The following UNC93A variants were observed in gnomAD, a reference collection of about 807,000 sequenced individuals.
The protein encoded by UNC93A is N-acetylglucosamine transporter UNC93A.
Under a neutral mutation model 47.5 loss-of-function variants are expected in UNC93A, and 43 were observed. The observed-to-expected ratio is 0.91, with a 90% CI of 0.71 to 1.17. The LOEUF is 1.17. Ranked by LOEUF, UNC93A falls within the 50% of genes most tolerant of loss-of-function variation. The pLI is 0.00. For missense variants in UNC93A, 605 were observed against 577.6 expected (o/e 1.05, Z -0.49); for synonymous variants, 280 against 258.0 (o/e 1.09, Z -0.82).
intron 1 of UNC93A, among the ~76,000 whole-genome samples, chr6:167,278,482 C>A (rs1218260799): frequency 6.6e-6 from 1 of 152,180 alleles, no homozygotes; most frequent in African/African-American, 2.4e-5. Context: ...GGACCCACGG[C>A]CTGCCCTCAC....
chr6:167,283,952 G>A (rs1783677511), intron 1 of UNC93A, among the ~76,000 whole-genome samples: 4 of 152,308 alleles, frequency 2.6e-5, no homozygotes, highest in Middle Eastern at 3.4e-3. Context: ...GGATCTCACA[G>A]CACATTAAAT....
chr6:167,315,197 C>T lies in UNC93A; in HGVS notation c.1119C>T (p.Gly373=), dbSNP rs373255256. 1.4e-5 allele frequency: 22 copies of T among 1,613,632 alleles called. No homozygotes were observed. The highest frequency in any genetic ancestry group is 2.2e-5 in the East Asian group (1 of 44,882). The change falls in exon 8 of 8, where the codon GGC becomes GGT. Residue 373 remains glycine, a synonymous_variant. Coordinates refer to ENST00000230256, the MANE Select transcript of UNC93A (RefSeq NM_018974.4). ...VWQTQNNALY[G]VLFEKSKEAA... is the part of the protein sequence containing the mutation. ...CTCTCTCCTCTGCAGCTCTCTACGG[C>T]GTTCTGTTTGAGAAGAGCAAGGAAG...
chr6:167,271,734 C>T (rs1420439401), intron 1 of UNC93A, among the ~76,000 whole-genome samples: 3 of 152,180 alleles, frequency 2.0e-5, no homozygotes, highest in Admixed American at 1.3e-4. Context: ...TTAACATGCT[C>T]ATCATGCACA....
At chr6:167,269,843 C>G (rs191243050), upstream of UNC93A, among the ~76,000 whole-genome samples, 1 of 152,024 alleles carries the variant, frequency 6.6e-6, no homozygotes, top group Admixed American at 6.6e-5. Context: ...TCTCTATCTC[C>G]TGACCTCGTG....
At chr6:167,315,147 G>T in intron 7 of UNC93A, 40 bp from the exon 8 acceptor site, 2 of 1,607,776 alleles carry the variant, frequency 1.2e-6, no homozygotes, top group Non-Finnish European at 1.7e-6. Flanking sequence ...GTCACTGTGG[G>T]GCCCATGGCA....
At chr6:167,277,952 G>A (rs1783571581) in intron 1 of UNC93A, among the ~76,000 whole-genome samples, 1 of 152,140 alleles carries the variant, frequency 6.6e-6, no homozygotes, top group Non-Finnish European at 1.5e-5. Flanking sequence ...CTCCTGTCCT[G>A]TGCTGTCCTG....
intron 1 of UNC93A, among the ~76,000 whole-genome samples, chr6:167,276,751 C>T (rs1783550250): frequency 6.7e-6 from 1 of 150,306 alleles, no homozygotes; most frequent in African/African-American, 2.4e-5. Flanking sequence ...TCCTCCCTTT[C>T]TCAAGTCTAA....
upstream of UNC93A, among the ~76,000 whole-genome samples, chr6:167,289,234 C>T (rs1462880560): frequency 6.6e-6 from 1 of 152,186 alleles, no homozygotes; most frequent in Non-Finnish European, 1.5e-5. Flanking sequence ...CCTCAGGGGT[C>T]GGGTAAGATA....
chr6:167,302,689 A>C (rs957877942), intron 4 of UNC93A, among the ~76,000 whole-genome samples: 3 of 152,218 alleles, frequency 2.0e-5, no homozygotes, highest in Admixed American at 6.5e-5. Context: ...GAGAAAGTAC[A>C]GGATGTTTCC....
chr6:167,272,300 G>A (rs2115065835), intron 1 of UNC93A, among the ~76,000 whole-genome samples: 1 of 152,320 alleles, frequency 6.6e-6, no homozygotes, highest in South Asian at 2.1e-4. Flanking sequence ...ACGTGCAGGT[G>A]GCACAAATCT....
In UNC93A at chr6:167,280,124, C is replaced by T. The variant is rs151004711; in HGVS notation, c.-52+8666C>T. Among the ~76,000 whole-genome samples, 207 of 152,234 alleles carry T rather than the reference C, an allele frequency of 1.4e-3. 1 individual carries two copies. Among genetic ancestry groups the T allele is most frequent in the African/African-American group, 4.8e-3 (199 of 41,526 alleles). ...TAAGTATTAGTTTGAGATTTCAAAA[C>T]CCAATCTCATGTTTCAAGGTACAGA... On this transcript the variant is annotated intron_variant, in intron 1 of 3. Coordinates refer to the UNC93A transcript ENST00000503433.
At chr6:167,309,938 G>A (rs1212800403) in intron 7 of UNC93A, among the ~76,000 whole-genome samples, 1 of 152,178 alleles carries the variant, frequency 6.6e-6, no homozygotes, top group Admixed American at 6.5e-5. Flanking sequence ...AGGCTGGAAG[G>A]GGTAGACTGG....
In UNC93A at chr6:167,315,185, A is replaced by T. The variant is rs1778657015; in HGVS notation, c.1109-2A>T. 4 of 1,613,368 alleles carry T rather than the reference A, an allele frequency of 2.5e-6. No individual in the cohort carries two copies. Among genetic ancestry groups the T allele is most frequent in the Non-Finnish European group, 3.4e-6 (4 of 1,179,860 alleles). On this transcript the variant is annotated splice_acceptor_variant, in intron 7 of 7. Coordinates refer to ENST00000230256, the MANE Select transcript of UNC93A (RefSeq NM_018974.4). LOFTEE classifies it high-confidence loss of function. ...GCTCTCACTCCGCTCTCTCCTCTGC[A>T]GCTCTCTACGGCGTTCTGTTTGAGA...
upstream of UNC93A, among the ~76,000 whole-genome samples, chr6:167,289,327 G>A (rs1057472159): frequency 6.6e-6 from 1 of 152,158 alleles, no homozygotes; most frequent in Non-Finnish European, 1.5e-5. Flanking sequence ...GAGGGGTGCT[G>A]GGAATTATCT....
intron 4 of UNC93A, among the ~76,000 whole-genome samples, chr6:167,299,834 C>T (rs752623174): frequency 2.6e-5 from 4 of 152,192 alleles, no homozygotes; most frequent in Non-Finnish European, 5.9e-5. Context: ...AAATGGGGCA[C>T]AAGACTAGCT....
At chr6:167,311,224 C>T (rs1319497365) in intron 7 of UNC93A, among the ~76,000 whole-genome samples, 1 of 152,180 alleles carries the variant, frequency 6.6e-6, no homozygotes, top group Non-Finnish European at 1.5e-5. Context: ...CCGAATAAAA[C>T]CCAATGCACT....
chr6:167,287,659 A>T (rs1190454270), upstream of UNC93A, among the ~76,000 whole-genome samples: 1 of 151,680 alleles, frequency 6.6e-6, no homozygotes, highest in African/African-American at 2.4e-5. Context: ...AAGGAAAAGG[A>T]CCTACGAACT....
chr6:167,295,407 G>A (rs903226786), intron 2 of UNC93A, among the ~76,000 whole-genome samples: 13 of 150,224 alleles, frequency 8.7e-5, no homozygotes, highest in Non-Finnish European at 1.8e-4. Context: ...CGCCTCCCTC[G>A]TGCTCCTCGC....
rs1778383605 is a variant in UNC93A at position 167,306,104 on chromosome 6, A to G, written c.976+54A>G. 1.9e-6 allele frequency: 3 copies of G among 1,607,042 alleles called. No homozygotes were observed. The African/African-American group carries it at 4.0e-5, about 21-fold the overall frequency. ...CTGTCATAACGATTTGCAGTAGCAA[A>G]AGCGCACAGCTCACAGTCAGGACAG... On this transcript the variant is annotated intron_variant, in intron 6 of 7. Transcript: ENST00000230256.
Sources: gnomAD v4.1 joint callset for allele counts (sites outside exome capture counted in the v4.1 genomes callset) on GRCh38, gnomAD v4.1.1 for gene constraint, MANE v1.5 for transcripts, NCBI Gene and HGNC (gene_info 2026-07-23, HGNC 2026-07-21) for gene names.